Variants in RHOBTB1 observed in about 807,000 individuals in gnomAD.
RHOBTB1 encodes the protein rho-related BTB domain-containing protein 1.
Under a neutral mutation model 71.6 loss-of-function variants are expected in RHOBTB1, and 40 were observed. That is an observed-to-expected ratio of 0.56 (90% CI 0.43 to 0.73). The LOEUF is 0.73. RHOBTB1 is among the 30% of genes least tolerant of loss of function. The pLI, the probability that RHOBTB1 is intolerant of heterozygous loss-of-function variation, is 0.00. For missense variants in RHOBTB1, 797 were observed against 894.0 expected (o/e 0.89, Z 1.38); for synonymous variants, 319 against 334.9 (o/e 0.95, Z 0.52).
intron 7 of RHOBTB1, among the ~76,000 whole-genome samples, chr10:60,879,193 T>C (rs949933071): frequency 6.6e-6 from 1 of 152,196 alleles, no homozygotes; most frequent in Admixed American, 6.5e-5. Context: ...GATGCGAAAG[T>C]GTATGTTCAG....
At chr10:60,894,338 G>T (rs1375026498) in intron 4 of RHOBTB1, among the ~76,000 whole-genome samples, 2 of 152,110 alleles carry the variant, frequency 1.3e-5, no homozygotes, top group East Asian at 3.8e-4. Context: ...TATAAGAGAG[G>T]ACCTAGGACT....
rs769573997 is a variant in RHOBTB1 at position 60,886,165 on chromosome 10, C to G, written c.1522G>C (p.Glu508Gln). The change falls in exon 7 of 11, where the codon GAG (glutamate) becomes CAG (glutamine). Residue 508 changes from glutamate (E) to glutamine (Q), a missense_variant. By Grantham distance (29) the Glu-to-Gln change is conservative. This residue lies in a region of RHOBTB1 where 658 missense variants were observed against 681.5 expected (regional missense o/e 0.97). Coordinates refer to ENST00000337910, the MANE Select transcript of RHOBTB1 (RefSeq NM_014836.5). ...AHKPLLICSCEWMAAMFGGSF... is the reference protein window; with the variant it reads ...AHKPLLICSCQWMAAMFGGSF... ...CCCCCGAACATGGCTGCCATCCACT[C>G]ACAGCTACAGATCAGCAGCGGCTTG... 12 of 1,614,114 alleles carry G rather than the reference C, an allele frequency of 7.4e-6. No individual in the cohort carries two copies. Among genetic ancestry groups the G allele is most frequent in the Admixed American group, 1.7e-5 (1 of 60,024 alleles).
At chr10:60,916,950 A>C (rs550219854) in intron 2 of RHOBTB1, among the ~76,000 whole-genome samples, 84 of 152,346 alleles carry the variant, frequency 5.5e-4, no homozygotes, top group Non-Finnish European at 1.1e-3. Context: ...TTGAAGATGA[A>C]GGAAGGGGCT....
chr10:60,888,986 A>G lies in RHOBTB1; in HGVS notation c.682T>C (p.Leu228=), dbSNP rs750283804. The G allele has an allele frequency of 3.1e-6, 5 of 1,613,990 alleles. No individual in the cohort carries two copies. The highest frequency in any genetic ancestry group is 4.2e-6 in the Non-Finnish European group (5 of 1,179,988). ...KSHLKKVQKP[L]LQAPFLPPKA... ...GGAGGTAGGAAGGGTGCCTGAAGTA[A>G]AGGTTTCTGGACTTTCTTTAGGTGG... The change falls in exon 6 of 11, where the codon TTA becomes CTA. Residue 228 remains leucine, a synonymous_variant. Transcript: ENST00000337910.
At chr10:60,867,824 T>C (rs1327544018), downstream of RHOBTB1, among the ~76,000 whole-genome samples, 1 of 152,224 alleles carries the variant, frequency 6.6e-6, no homozygotes, top group Admixed American at 6.5e-5. Flanking sequence ...TCACTAGTAT[T>C]GCCACACCAG....
At chr10:60,866,778 C>G (rs1037743790), downstream of RHOBTB1, among the ~76,000 whole-genome samples, 2 of 151,908 alleles carry the variant, frequency 1.3e-5, no homozygotes, top group African/African-American at 4.8e-5. Flanking sequence ...TCCCTCCAGC[C>G]CATTATTATT....
chr10:60,899,191 G>A (rs908812386), intron 4 of RHOBTB1, among the ~76,000 whole-genome samples: 12 of 152,266 alleles, frequency 7.9e-5, no homozygotes, highest in South Asian at 2.1e-4. Flanking sequence ...GTGAAATTGC[G>A]TGAAGCACAA....
intron 4 of RHOBTB1, among the ~76,000 whole-genome samples, chr10:60,900,306 C>G (rs2082355278): frequency 6.6e-6 from 1 of 152,088 alleles, no homozygotes. Context: ...GGTGACTCTG[C>G]TGAGCCTGGG....
chr10:60,862,149 CTTTT>C, the RHOBTB1 span, among the ~76,000 whole-genome samples: 1 of 140,554 alleles, frequency 7.1e-6, no homozygotes, highest in Non-Finnish European at 1.5e-5. Flanking sequence ...CTCTCTCTTT[CTTTT>C]TCTTTCCTCT....
At chr10:60,957,320 A>T (rs1356730736) in intron 2 of RHOBTB1, among the ~76,000 whole-genome samples, 1 of 152,174 alleles carries the variant, frequency 6.6e-6, no homozygotes, top group African/African-American at 2.4e-5. Context: ...AGCTTTGTAC[A>T]TTTGTTTACA....
intron 2 of RHOBTB1, among the ~76,000 whole-genome samples, chr10:60,918,305 A>G (rs1460534571): frequency 6.6e-6 from 1 of 151,964 alleles, no homozygotes; most frequent in Non-Finnish European, 1.5e-5. Flanking sequence ...TCTTCAAATC[A>G]TTTCCCTTCC....
intron 2 of RHOBTB1, among the ~76,000 whole-genome samples, chr10:60,940,965 G>A (rs1408774057): frequency 1.3e-5 from 2 of 152,160 alleles, no homozygotes; most frequent in Non-Finnish European, 2.9e-5. Context: ...CAAGGCCAGA[G>A]ACCCCACAAT....
intron 2 of RHOBTB1, among the ~76,000 whole-genome samples, chr10:60,927,038 CA>C (rs2083925540): frequency 6.6e-6 from 1 of 152,018 alleles, no homozygotes; most frequent in Non-Finnish European, 1.5e-5. Context: ...GATATGAAAT[CA>C]GTATACTAAA....
rs148759042 is a variant in RHOBTB1, at chr10:60,903,070, C to T, written c.296+7817G>A. ...TGCAAAGCTGTCCTATGGGAACATA[C>T]GGAGAGACACCTCACCTGGATTCCG... On this transcript the variant is annotated intron_variant, in intron 4 of 10. Coordinates refer to ENST00000337910, the MANE Select transcript of RHOBTB1 (RefSeq NM_014836.5). 3.3e-5 allele frequency among the ~76,000 whole-genome samples: 5 copies of T among 152,252 alleles called. No homozygotes were observed. In the East Asian group the frequency reaches 7.7e-4, roughly 24 times the overall value.
chr10:60,919,619 A>G (rs1221976890), intron 2 of RHOBTB1, among the ~76,000 whole-genome samples: 2 of 152,250 alleles, frequency 1.3e-5, no homozygotes, highest in African/African-American at 4.8e-5. Flanking sequence ...TGTAATCAAC[A>G]TTATTTTTTC....
At chr10:60,920,242 G>A (rs2083481574) in intron 2 of RHOBTB1, among the ~76,000 whole-genome samples, 1 of 152,136 alleles carries the variant, frequency 6.6e-6, no homozygotes, top group South Asian at 2.1e-4. Flanking sequence ...AGCCAGCGGT[G>A]GTTCACAGTC....
upstream of RHOBTB1, among the ~76,000 whole-genome samples, chr10:60,947,897 A>AT (rs1721995683): frequency 6.6e-6 from 1 of 152,264 alleles, no homozygotes; most frequent in African/African-American, 2.4e-5. Flanking sequence ...CTGCTAAACC[A>AT]TTTTCCAGAA....
chr10:60,899,191 G>T (rs908812386), intron 4 of RHOBTB1, among the ~76,000 whole-genome samples: 10 of 152,148 alleles, frequency 6.6e-5, no homozygotes, highest in Non-Finnish European at 8.8e-5. Flanking sequence ...GTGAAATTGC[G>T]TGAAGCACAA....
intron 2 of RHOBTB1, among the ~76,000 whole-genome samples, chr10:60,982,952 A>G (rs748712673): frequency 1.3e-5 from 2 of 152,068 alleles, no homozygotes; most frequent in Non-Finnish European, 2.9e-5. Context: ...CACATGACAT[A>G]AGGCACAGAA....
Sources: gnomAD v4.1 joint callset for allele counts (sites outside exome capture counted in the v4.1 genomes callset) on GRCh38, gnomAD v4.1.1 for gene constraint, gnomAD v4.1.1 regional missense constraint, MANE v1.5 for transcripts, NCBI Gene and HGNC (gene_info 2026-07-23, HGNC 2026-07-21) for gene names.